Variants in ABCC8 observed in about 807,000 individuals in gnomAD.
The protein encoded by ABCC8 is ATP binding cassette subfamily C member 8, also known as ATP-binding cassette sub-family C member 8.
In ABCC8, 137 loss-of-function variants were observed where a neutral mutation model predicts 188.0. The ratio of observed to expected loss-of-function variants is 0.73; its 90% CI spans 0.63 to 0.84. The LOEUF is 0.84. Among genes scored for constraint, ABCC8 ranks in the 40% least tolerant of loss-of-function variants. ABCC8 has a pLI of 0.00. For missense variants in ABCC8, 1,750 were observed against 2,072.7 expected (o/e 0.84, Z 3.02); for synonymous variants, 797 against 846.5 (o/e 0.94, Z 1.01).
At chr11:17,431,885 T>G (rs1955862700) in intron 11 of ABCC8, among the ~76,000 whole-genome samples, 1 of 152,244 alleles carries the variant, frequency 6.6e-6, no homozygotes, top group Non-Finnish European at 1.5e-5. Flanking sequence ...GAGCTTTCTG[T>G]TCTGGATTTC....
intron 16 of ABCC8, among the ~76,000 whole-genome samples, chr11:17,419,495 C>T (rs1591776703): frequency 6.6e-6 from 1 of 152,194 alleles, no homozygotes; most frequent in Admixed American, 6.5e-5. Context: ...GAAAAGTAAA[C>T]ACAAATGCAT....
At chr11:17,473,547 G>A (rs1311434180) in intron 2 of ABCC8, among the ~76,000 whole-genome samples, 2 of 152,026 alleles carry the variant, frequency 1.3e-5, no homozygotes, top group African/African-American at 2.4e-5. Context: ...CCAGCTCAGG[G>A]GGCGCTGGAC....
intron 6 of ABCC8, among the ~76,000 whole-genome samples, chr11:17,458,160 T>C (rs1032324550): frequency 1.3e-5 from 2 of 152,178 alleles, no homozygotes; most frequent in Non-Finnish European, 2.9e-5. Context: ...TACTTTCAAC[T>C]CTTGTTTCTG....
At position 17,432,231 on chromosome 11, in the gene ABCC8, C is replaced by A. The variant is rs565996783; in HGVS notation, c.1644G>T (p.Thr548=). ...TGAGGACAGCTGCAATGGGGATGGC[C>A]GTGTTCATGAAAACTGCAGAGGAAG... ...IYTSISIFMN[T]AIPIAAVLIT... Residue 548 remains threonine (T), a synonymous_variant, in exon 11 of 39, where the codon ACG becomes ACT. Coordinates refer to ENST00000389817, the MANE Select transcript of ABCC8 (RefSeq NM_000352.6). 2.0e-4 allele frequency: 303 copies of A among 1,552,480 alleles called. No individual in the cohort carries two copies. Among genetic ancestry groups the A allele is most frequent in the Non-Finnish European group, 2.5e-4 (285 of 1,147,364 alleles).
chr11:17,425,073 G>A (rs568914710), intron 16 of ABCC8, among the ~76,000 whole-genome samples: 2 of 152,308 alleles, frequency 1.3e-5, no homozygotes, highest in South Asian at 2.1e-4. Context: ...AGCAGAAAAG[G>A]GCTCCTCCCT....
chr11:17,436,975 T>C lies in ABCC8; in HGVS notation c.1631-4731A>G, dbSNP rs966461459. ...GCGTGGTGGCGCATACCTGTAATCC[T>C]AGCTACTCGAGAGGCTGAGGCAGGA... On this transcript the variant is annotated intron_variant, in intron 10 of 38. Coordinates refer to ENST00000389817, the MANE Select transcript of ABCC8 (RefSeq NM_000352.6). Among the ~76,000 whole-genome samples, 6 of 150,588 alleles carry C rather than the reference T, an allele frequency of 4.0e-5. No homozygotes were observed. The South Asian group carries it at 8.4e-4, about 21-fold the overall frequency.
chr11:17,417,327 C>A (rs1955129081), intron 16 of ABCC8, among the ~76,000 whole-genome samples: 1 of 151,904 alleles, frequency 6.6e-6, no homozygotes, highest in South Asian at 2.1e-4. Flanking sequence ...GATAGGGACC[C>A]AATCATTGGG....
chr11:17,406,956 A>G lies in ABCC8; in HGVS notation c.3094T>C (p.Trp1032Arg). Residue 1032 changes from tryptophan (W) to arginine (R), a missense_variant, in exon 25 of 39, where the codon TGG becomes CGG. Transcript: ENST00000389817. ...GCGCTGTCGGTCCACTTGGCCAGCC[A>G]GTAGTCGATGGCCACCAGGACCATG... ...KHMVLVAIDY[W>R]LAKWTDSALT... The G allele has an allele frequency of 6.2e-7, 1 of 1,614,190 alleles. No homozygotes were observed. Among genetic ancestry groups the G allele is most frequent in the East Asian group, 2.2e-5 (1 of 44,880 alleles).
In ABCC8 at chr11:17,453,209, C is replaced by T. The variant is rs780222248; in HGVS notation, c.1086G>A (p.Leu362=). The T allele has an allele frequency of 6.2e-7, 1 of 1,614,098 alleles. No individual in the cohort carries two copies. The highest frequency in any genetic ancestry group is 1.1e-5 in the South Asian group (1 of 91,072). Residue 362 remains leucine (L), a synonymous_variant, in exon 7 of 39, where the codon CTG becomes CTA. Coordinates refer to ENST00000389817, the MANE Select transcript of ABCC8 (RefSeq NM_000352.6). ...LANAYVLAVL[L]FLALLLQRTF... ...TCCTTTGCAGTAGGAGGGCAAGGAACAGAAGCACAGCTAAGACGTAGGCAT... is the reference window on the plus strand; with the variant it reads ...TCCTTTGCAGTAGGAGGGCAAGGAATAGAAGCACAGCTAAGACGTAGGCAT...
intron 20 of ABCC8, 129 bp from the exon 21 acceptor site, chr11:17,412,875 T>A (rs540527218): frequency 6.6e-7 from 1 of 1,524,794 alleles, no homozygotes; most frequent in Admixed American, 2.0e-5. Context: ...GCTTCTCACC[T>A]TGCATAGAGA....
chr11:17,473,114 T>C (rs904425205), intron 2 of ABCC8, among the ~76,000 whole-genome samples: 4 of 152,212 alleles, frequency 2.6e-5, no homozygotes, highest in African/African-American at 9.7e-5. Flanking sequence ...GAATGACTTG[T>C]GCAAAGTCCC....
In ABCC8 at chr11:17,397,759, C is replaced by T. The variant is rs1954017358; in HGVS notation, c.3792G>A (p.Val1264=). Residue 1264 remains valine, a synonymous_variant, in exon 31 of 39, where the codon GTG becomes GTA. Coordinates refer to ENST00000389817, the MANE Select transcript of ABCC8 (RefSeq NM_000352.6). ...IGACVVLIAA[V]TSISNSLHRE... is the part of the protein sequence containing the mutation. ...TGTGCAGGGAGTTGGAGATGGAGGT[C>T]ACCGCTGCGATGAGCACCACACATG... is the stretch of plus-strand genomic sequence containing the variant. The T allele has an allele frequency of 6.2e-7, 1 of 1,613,736 alleles. No individual in the cohort carries two copies. The highest frequency in any genetic ancestry group is 1.3e-5 in the African/African-American group (1 of 74,920).
rs1264194837 is a variant in ABCC8 at position 17,406,927 on chromosome 11, C to T, written c.3123G>A (p.Leu1041=). ...AGTTCCTGGCTGCAGGGGTCAGGGT[C>T]AGGGCGCTGTCGGTCCACTTGGCCA... ...YWLAKWTDSA[L]TLTPAARNCS... is the part of the protein sequence containing the mutation. Residue 1041 remains leucine (L), a synonymous_variant, in exon 25 of 39, where the codon CTG becomes CTA. Coordinates refer to ENST00000389817, the MANE Select transcript of ABCC8 (RefSeq NM_000352.6). The T allele has an allele frequency of 1.2e-6, 2 of 1,614,142 alleles. No homozygotes were observed. Among genetic ancestry groups the T allele is most frequent in the East Asian group, 2.2e-5 (1 of 44,878 alleles).
At chr11:17,392,842 C>T (rs1044119515), downstream of ABCC8, 9 of 923,492 alleles carry the variant, frequency 9.7e-6, no homozygotes, top group Non-Finnish European at 1.5e-5. Context: ...ACTGAACCCA[C>T]CATCCACCGC....
chr11:17,416,240 T>G (rs1955066992), intron 17 of ABCC8, among the ~76,000 whole-genome samples: 1 of 152,054 alleles, frequency 6.6e-6, no homozygotes, highest in South Asian at 2.1e-4. Flanking sequence ...ATCTCAAGTG[T>G]TTTTTGGAGA....
At position 17,463,610 on chromosome 11, in the gene ABCC8, G is replaced by A. The variant is rs373759803; in HGVS notation, c.413-6C>T. On this transcript the variant is annotated splice_region_variant and splice_polypyrimidine_tract_variant and intron_variant, in intron 3 of 38. Coordinates refer to ENST00000389817, the MANE Select transcript of ABCC8 (RefSeq NM_000352.6). ...GGTCCAATACACCAGCAGGGCTGCC[G>A]AGGAGAGATGGAAGATCGCAGAGAC... 24 of 1,568,852 alleles carry A rather than the reference G, an allele frequency of 1.5e-5. No homozygotes were observed. The highest frequency in any genetic ancestry group is 6.8e-5 in the African/African-American group (5 of 73,838).
chr11:17,473,112 T>C (rs919255906), intron 2 of ABCC8, among the ~76,000 whole-genome samples: 3 of 152,226 alleles, frequency 2.0e-5, no homozygotes, highest in African/African-American at 7.2e-5. Context: ...CTGAATGACT[T>C]GTGCAAAGTC....
intron 5 of ABCC8, chr11:17,461,072 A>G (rs2074319): frequency 0.35 from 119,834 of 342,358 alleles, 22,130 homozygotes; most frequent in African/African-American, 0.48. Context: ...GAGCCAGGAG[A>G]CTGCCTCTGC....
intron 16 of ABCC8, among the ~76,000 whole-genome samples, chr11:17,417,692 T>C (rs767410387): frequency 2.6e-5 from 4 of 152,178 alleles, no homozygotes; most frequent in Non-Finnish European, 5.9e-5. Context: ...CTTACTTTAA[T>C]AATACTAACA....
Sources: allele counts gnomAD v4.1 joint callset (sites outside exome capture counted in the v4.1 genomes callset), GRCh38; gene constraint gnomAD v4.1.1; transcripts MANE v1.5; gene names NCBI Gene and HGNC (gene_info 2026-07-23, HGNC 2026-07-21).